FBLN2: variants seen among roughly 807,000 people sequenced by gnomAD.
FBLN2 encodes fibulin-2.
In FBLN2, 81 loss-of-function variants were observed where a neutral mutation model predicts 123.7. The observed-to-expected ratio is 0.65, with a 90% CI of 0.55 to 0.79. FBLN2 has a LOEUF of 0.79. FBLN2 is among the 30% of genes least tolerant of loss of function. The pLI is 0.00. For missense variants in FBLN2, 1,603 were observed against 1,681.3 expected (o/e 0.95, Z 0.81); for synonymous variants, 699 against 701.4 (o/e 1.00, Z 0.05).
chr3:13,572,294 C>G (rs1703988541), intron 2 of FBLN2, among the ~76,000 whole-genome samples: 1 of 152,244 alleles, frequency 6.6e-6, no homozygotes. Flanking sequence ...GCCACACCAG[C>G]TGTACCCTCA....
At position 13,570,571 on chromosome 3, in the gene FBLN2, C is replaced by T; in HGVS notation, c.216C>T (p.Asp72=). Residue 72 remains aspartate, a synonymous_variant, in exon 2 of 18, where the codon GAC becomes GAT. Transcript: ENST00000404922. ...GCACEGYQYY[D]CLQGGFVRGR... ...CCTGCGAGGGCTACCAGTACTATGACTGCCTACAGGGTGGCTTCGTGCGCG... is the reference window on the plus strand; with the variant it reads ...CCTGCGAGGGCTACCAGTACTATGATTGCCTACAGGGTGGCTTCGTGCGCG... 6.3e-7 allele frequency: 1 copy of T among 1,588,564 alleles called. No individual in the cohort carries two copies. The highest frequency in any genetic ancestry group is 8.6e-7 in the Non-Finnish European group (1 of 1,168,782).
chr3:13,571,372 C>T lies in FBLN2; in HGVS notation c.1017C>T (p.Asn339=), dbSNP rs755266117. Residue 339 remains asparagine, a synonymous_variant, in exon 2 of 18, where the codon AAC becomes AAT. Transcript: ENST00000404922. ...AAGCTGGGGCAAGGCCTGAAGAGAA[C>T]CTCATCCTGGATGCCCAAGCCACGT... The part of the protein sequence containing the change: ...RAEAGARPEE[N]LILDAQATSR... 6.2e-7 allele frequency: 1 copy of T among 1,612,786 alleles called. No individual in the cohort carries two copies. Among genetic ancestry groups the T allele is most frequent in the Non-Finnish European group, 8.5e-7 (1 of 1,179,576 alleles).
chr3:13,607,152 T>C (rs189989921), intron 2 of FBLN2, among the ~76,000 whole-genome samples: 1 of 152,074 alleles, frequency 6.6e-6, no homozygotes, highest in East Asian at 1.9e-4. Flanking sequence ...CGTGCCTGGC[T>C]AATTTTTGTA....
chr3:13,558,810 C>T (rs1019021943), intron 1 of FBLN2, among the ~76,000 whole-genome samples: 21 of 139,632 alleles, frequency 1.5e-4, no homozygotes, highest in African/African-American at 5.6e-4. Flanking sequence ...CCCACCCACC[C>T]ACCTACCTAC....
At chr3:13,599,639 A>G (rs9874438) in intron 2 of FBLN2, among the ~76,000 whole-genome samples, 91,064 of 150,282 alleles carry the variant, frequency 0.61, 28,878 homozygotes, top group African/African-American at 0.8. Context: ...GTGGAGGAGG[A>G]GGTGGCTGGT....
At chr3:13,566,095 G>GGGGCTTTGTTTGCTGGCC (rs1375607945) in intron 1 of FBLN2, among the ~76,000 whole-genome samples, 1 of 152,210 alleles carries the variant, frequency 6.6e-6, no homozygotes. Context: ...GCCAGTCCCA[G>GGGGCTTTGTTTGCTGGCC]GGGCTTTGTT....
intron 13 of FBLN2, among the ~76,000 whole-genome samples, 157 bp downstream of exon 13, chr3:13,629,449 TG>T (rs1379890449): frequency 2.4e-4 from 37 of 152,206 alleles, no homozygotes; most frequent in Admixed American, 3.9e-4. Flanking sequence ...ATCCTCCTGC[TG>T]GGCCTGCCAG....
chr3:13,598,651 C>T (rs951662804), intron 2 of FBLN2, among the ~76,000 whole-genome samples: 14 of 152,192 alleles, frequency 9.2e-5, no homozygotes, highest in Admixed American at 2.0e-4. Flanking sequence ...AGATGATATA[C>T]ACCAAGAGCC....
intron 5 of FBLN2, among the ~76,000 whole-genome samples, chr3:13,617,419 C>T (rs1705658655): frequency 6.6e-6 from 1 of 151,690 alleles, no homozygotes; most frequent in African/African-American, 2.4e-5. Flanking sequence ...TCTACTCATC[C>T]ATTCATCTAC....
intron 9 of FBLN2, among the ~76,000 whole-genome samples, chr3:13,623,499 C>G (rs1249591422): frequency 6.6e-6 from 1 of 152,208 alleles, no homozygotes; most frequent in Admixed American, 6.5e-5. Context: ...CTTCCATGCC[C>G]CTCGCACACG....
intron 16 of FBLN2, among the ~76,000 whole-genome samples, chr3:13,633,857 G>T (rs1303326615): frequency 6.6e-6 from 1 of 152,068 alleles, no homozygotes; most frequent in Admixed American, 6.6e-5. Context: ...GTGCTCATTG[G>T]ACAGTTGACC....
At chr3:13,587,195 T>C (rs1704538653) in intron 2 of FBLN2, among the ~76,000 whole-genome samples, 1 of 146,284 alleles carries the variant, frequency 6.8e-6, no homozygotes, top group African/African-American at 2.5e-5. Flanking sequence ...TAAAAACACA[T>C]ATAGAGTAAG....
chr3:13,590,471 G>A (rs1476661239), intron 2 of FBLN2, among the ~76,000 whole-genome samples: 1 of 152,168 alleles, frequency 6.6e-6, no homozygotes, highest in Non-Finnish European at 1.5e-5. Flanking sequence ...GACTACAGGT[G>A]CCCACCACGA....
intron 9 of FBLN2, among the ~76,000 whole-genome samples, chr3:13,624,262 C>CT (rs1386884106): frequency 6.6e-6 from 1 of 152,214 alleles, no homozygotes; most frequent in Non-Finnish European, 1.5e-5. Context: ...ATTTCCTCCT[C>CT]TGAGAAATGG....
intron 9 of FBLN2, among the ~76,000 whole-genome samples, chr3:13,625,714 T>C (rs529943570): frequency 3.3e-5 from 5 of 152,082 alleles, no homozygotes; most frequent in East Asian, 1.9e-4. Flanking sequence ...CCATTGAAGG[T>C]AGTCCGAGCC....
rs578003267 is a variant in FBLN2 at position 13,588,159 on chromosome 3, G to A, written c.1306+16498G>A. On this transcript the variant is annotated intron_variant, in intron 2 of 17. Transcript: ENST00000404922. ...ATCATACTCTTACTGTGCCTTTTCTGTGTCTAGCTTTGTTTAGATTCACAA... is the reference window on the plus strand; with the variant it reads ...ATCATACTCTTACTGTGCCTTTTCTATGTCTAGCTTTGTTTAGATTCACAA... Among the ~76,000 whole-genome samples the A allele has an allele frequency of 2.6e-5, 4 of 152,316 alleles. No homozygotes were observed. The South Asian group carries it at 8.3e-4, about 32-fold the overall frequency.
chr3:13,611,627 G>A (rs932323238), intron 4 of FBLN2, among the ~76,000 whole-genome samples: 2 of 152,198 alleles, frequency 1.3e-5, no homozygotes, highest in African/African-American at 4.8e-5. Flanking sequence ...TTTCTGAGGT[G>A]CAATAATATT....
rs2124918221 is a variant in FBLN2, at chr3:13,638,194, C to G, written c.*275C>G. On this transcript the variant is annotated 3_prime_UTR_variant, in exon 18 of 18. Transcript: ENST00000404922. ...GTGAGGCTGGGTGATGACCTGAGGA[C>G]CAGAGACACGCGACCATGTTGGGGC... 1 of 628,956 alleles carries G rather than the reference C, an allele frequency of 1.6e-6. No homozygotes were observed. Among genetic ancestry groups the G allele is most frequent in the East Asian group, 3.1e-5 (1 of 32,164 alleles). 39.0% of individuals were successfully genotyped at this position (628,956 alleles called of 1,614,324 possible). A position where few individuals can be genotyped will look rare whatever the true frequency, so the allele number is the denominator to read the frequency against.
At chr3:13,574,412 C>T (rs1704065794) in intron 2 of FBLN2, among the ~76,000 whole-genome samples, 3 of 152,222 alleles carry the variant, frequency 2.0e-5, no homozygotes, top group Non-Finnish European at 2.9e-5. Context: ...GCGGGAAAAG[C>T]CGCCCTCACG....
Sources: allele counts gnomAD v4.1 joint callset (sites outside exome capture counted in the v4.1 genomes callset), GRCh38; gene constraint gnomAD v4.1.1; transcripts MANE v1.5; gene names NCBI Gene and HGNC (gene_info 2026-07-23, HGNC 2026-07-21).